The following HERC5 variants were observed in gnomAD, a reference collection of about 807,000 sequenced individuals.
HERC5 encodes E3 ISG15--protein ligase HERC5.
Under a neutral mutation model 119.6 loss-of-function variants are expected in HERC5, and 99 were observed. That is an observed-to-expected ratio of 0.83 (90% CI 0.70 to 0.98). The LOEUF (loss-of-function observed/expected upper bound fraction) is 0.98. Among genes scored for constraint, HERC5 ranks in the 50% least tolerant of loss-of-function variants. The pLI is 0.00. For missense variants in HERC5, 1,267 were observed against 1,241.3 expected (o/e 1.02, Z -0.31); for synonymous variants, 478 against 445.9 (o/e 1.07, Z -0.91).
At chr4:88,475,193 A>G (rs932903407) in intron 11 of HERC5, among the ~76,000 whole-genome samples, 3 of 151,516 alleles carry the variant, frequency 2.0e-5, no homozygotes, top group Non-Finnish European at 4.4e-5. Flanking sequence ...TGAAAAAAGA[A>G]ACCCACGGTG....
chr4:88,500,029 A>G (rs369683436), intron 19 of HERC5, 37 bp downstream of exon 19: 30 of 1,279,234 alleles, frequency 2.3e-5, no homozygotes, highest in Non-Finnish European at 2.8e-5. Flanking sequence ...GATTAGTTTT[A>G]ATCTGATTAA....
intron 1 of HERC5, 22 bp from the exon 2 acceptor site, chr4:88,459,325 C>T (rs754255221): frequency 1.3e-6 from 2 of 1,534,198 alleles, no homozygotes; most frequent in Admixed American, 2.3e-5. Flanking sequence ...GACAATAGTT[C>T]CTGGTTGGAT....
rs1259126753 is a variant in HERC5, at chr4:88,462,345, G to A, written c.677G>A (p.Gly226Asp). The A allele has an allele frequency of 5.0e-6, 8 of 1,613,326 alleles. No homozygotes were observed. Among genetic ancestry groups the A allele is most frequent in the African/African-American group, 1.3e-5 (1 of 74,904 alleles). Residue 226 changes from glycine to aspartate, a missense_variant, in exon 4 of 23, where the codon GGC becomes GAC. Coordinates refer to ENST00000264350, the MANE Select transcript of HERC5 (RefSeq NM_016323.4). ...AATGAATGTGGACAACTAGGCCTGG[G>A]CCACACTGAGAGTATGGAACACATT... ...GKNECGQLGL[G>D]HTESKDDPSL... is the part of the protein sequence containing the mutation.
At chr4:88,487,046 A>G in intron 14 of HERC5, 23 bp from the exon 15 acceptor site, 1 of 1,512,716 alleles carries the variant, frequency 6.6e-7, no homozygotes, top group Non-Finnish European at 9.2e-7. Context: ...ACTTATCAGA[A>G]TTATTGTCAT....
chr4:88,505,931 T>A lies in HERC5; in HGVS notation c.*53T>A. On this transcript the variant is annotated 3_prime_UTR_variant, in exon 23 of 23. Transcript: ENST00000264350. The stretch of plus-strand genomic sequence containing the variant: ...TTGTTGTTGTTATCGTTGTTGTTGT[T>A]GTTGTTGTTGTTGTTTCTCTACTTT... 1.5e-6 allele frequency: 2 copies of A among 1,355,906 alleles called. No individual in the cohort carries two copies. The highest frequency in any genetic ancestry group is 2.6e-5 in the South Asian group (2 of 77,084). 84.0% of individuals were successfully genotyped at this position (1,355,906 alleles called of 1,614,324 possible). A position where few individuals can be genotyped will look rare whatever the true frequency, so the allele number is the denominator to read the frequency against.
Position 88,483,590 on chromosome 4 carries a change from A to C in HERC5, c.1738-2525A>C, listed in dbSNP as rs543427878. On this transcript the variant is annotated intron_variant, in intron 13 of 22. Transcript: ENST00000264350. ...GTTGCTCAGGCTGGAGTGCAGTGGC[A>C]CGATCTTGGCTTACTGCAGCCTCTG... 4.4e-5 allele frequency among the ~76,000 whole-genome samples: 6 copies of C among 137,394 alleles called. No homozygotes were observed. The East Asian group carries it at 1.3e-3, about 30-fold the overall frequency. 90.1% of individuals were successfully genotyped at this position (137,394 alleles called of 152,430 possible). A position where few individuals can be genotyped will look rare whatever the true frequency, so the allele number is the denominator to read the frequency against.
chr4:88,476,161 A>G (rs1741062616), intron 12 of HERC5, 131 bp downstream of exon 12: 1 of 654,406 alleles, frequency 1.5e-6, no homozygotes, highest in Admixed American at 3.2e-5. Context: ...AGCATACTCT[A>G]AAGGTACTAT....
chr4:88,481,952 A>G (rs547772680), intron 13 of HERC5, among the ~76,000 whole-genome samples: 3 of 152,236 alleles, frequency 2.0e-5, no homozygotes, highest in South Asian at 2.1e-4. Context: ...ATAAACCTTC[A>G]TAATGACAGG....
At chr4:88,470,467 A>G (rs1740829150) in intron 9 of HERC5, 147 bp from the exon 10 acceptor site, 1 of 527,930 alleles carries the variant, frequency 1.9e-6, no homozygotes, top group South Asian at 2.7e-5. Flanking sequence ...AAGCCAAGGT[A>G]ATATGCATAC....
At chr4:88,463,805 C>CT in intron 5 of HERC5, 50 bp from the exon 6 acceptor site, 1 of 1,601,654 alleles carries the variant, frequency 6.2e-7, no homozygotes, top group African/African-American at 1.3e-5. Flanking sequence ...GTGAATACTA[C>CT]TTTTTTATTT....
intron 1 of HERC5, chr4:88,457,819 T>A: frequency 1.3e-6 from 1 of 798,074 alleles, no homozygotes; most frequent in Non-Finnish European, 1.7e-6. Flanking sequence ...TTAGCCAGTC[T>A]GGCTTTCTCA....
chr4:88,484,785 A>G (rs997517618), intron 13 of HERC5, among the ~76,000 whole-genome samples: 1 of 152,210 alleles, frequency 6.6e-6, no homozygotes, highest in Non-Finnish European at 1.5e-5. Context: ...AGCCCCAACC[A>G]TTGAAAATTG....
chr4:88,479,528 C>G (rs771292692), intron 13 of HERC5, 21 bp downstream of exon 13: 2 of 1,525,466 alleles, frequency 1.3e-6, no homozygotes, highest in East Asian at 2.3e-5. Context: ...CTTTAGAAAC[C>G]TCTGTGTTTT....
intron 7 of HERC5, 121 bp from the exon 8 acceptor site, chr4:88,468,225 T>G (rs1009412711): frequency 1.4e-6 from 1 of 695,164 alleles, no homozygotes; most frequent in East Asian, 2.7e-5. Context: ...ATGTACTAAG[T>G]TTTGTCTATT....
At chr4:88,491,436 TTAGGA>T (rs1192387744) in intron 16 of HERC5, among the ~76,000 whole-genome samples, 2 of 151,996 alleles carry the variant, frequency 1.3e-5, no homozygotes, top group African/African-American at 4.8e-5. Flanking sequence ...GACAGAAGTG[TTAGGA>T]TAGAACTGTC....
chr4:88,502,932 A>G (rs903434255), intron 20 of HERC5, among the ~76,000 whole-genome samples: 1 of 151,580 alleles, frequency 6.6e-6, no homozygotes, highest in African/African-American at 2.4e-5. Context: ...TGTACTGCAG[A>G]TATCTTCTTA....
At chr4:88,501,621 T>A (rs937420721) in intron 20 of HERC5, among the ~76,000 whole-genome samples, 3 of 152,178 alleles carry the variant, frequency 2.0e-5, no homozygotes, top group East Asian at 1.9e-4. Flanking sequence ...TCTTTTTTTT[T>A]AAACTTTGTA....
chr4:88,471,873 CCTTT>C (rs1451936402), intron 10 of HERC5, among the ~76,000 whole-genome samples: 3 of 151,780 alleles, frequency 2.0e-5, no homozygotes, highest in East Asian at 3.9e-4. Flanking sequence ...TGTGGTCAGT[CCTTT>C]CTTCCTTCCT....
intron 17 of HERC5, among the ~76,000 whole-genome samples, chr4:88,493,420 T>TA (rs989839794): frequency 4.3e-4 from 65 of 152,308 alleles, no homozygotes; most frequent in African/African-American, 1.5e-3. Flanking sequence ...AACCCTCTCT[T>TA]TTTTAGGTAC....
Sources: allele counts gnomAD v4.1 joint callset (sites outside exome capture counted in the v4.1 genomes callset), GRCh38; gene constraint gnomAD v4.1.1; transcripts MANE v1.5; gene names NCBI Gene and HGNC (gene_info 2026-07-23, HGNC 2026-07-21).